The following NAALADL2 variants were observed in gnomAD, a reference collection of about 807,000 sequenced individuals.
NAALADL2 encodes N-acetylated alpha-linked acidic dipeptidase like 2, also known as inactive N-acetylated-alpha-linked acidic dipeptidase-like protein 2.
In NAALADL2, 76 loss-of-function variants were observed where a neutral mutation model predicts 87.2. The ratio of observed to expected loss-of-function variants is 0.87; its 90% CI spans 0.72 to 1.05. NAALADL2 has a LOEUF of 1.05. NAALADL2 is among the 50% of genes least tolerant of loss of function. The pLI is 0.00. For missense variants in NAALADL2, 1,089 were observed against 945.8 expected, an observed-to-expected ratio of 1.15 and a Z score of -1.99; for synonymous variants, 354 against 331.0, an observed-to-expected ratio of 1.07 and a Z score of -0.75.
chr3:174,732,877 G>GT (rs1732837641), intron 2 of NAALADL2, among the ~76,000 whole-genome samples: 2 of 151,972 alleles, frequency 1.3e-5, no homozygotes, highest in South Asian at 4.1e-4. Flanking sequence ...GTTCCATTGG[G>GT]TTTTTTCTTT....
rs750965430 is a variant in NAALADL2, at chr3:175,467,102, G to T, written c.1451G>T (p.Gly484Val). ...IRALMSKVKR[G>V]WRPDRTIVFC... ...GCCTTGATGTCAAAAGTTAAGAGAG[G>T]GTGGAGACCAGACCGAACTATTGTT... The change falls in exon 8 of 14, where the codon GGG becomes GTG. Residue 484 changes from glycine (G) to valine (V), a missense_variant. Physicochemically the swap from Gly to Val is moderately radical, Grantham distance 109. Coordinates refer to ENST00000454872, the MANE Select transcript of NAALADL2 (RefSeq NM_207015.3). 6 of 1,613,872 alleles carry T rather than the reference G, an allele frequency of 3.7e-6. No individual in the cohort carries two copies. The Admixed American group carries it at 1.0e-4, about 27-fold the overall frequency.
chr3:175,320,469 T>G (rs1759710253), intron 4 of NAALADL2, among the ~76,000 whole-genome samples: 2 of 152,180 alleles, frequency 1.3e-5, no homozygotes, highest in Admixed American at 1.3e-4. Context: ...TCAGTTGCTA[T>G]ATCTGGGAGG....
chr3:174,578,880 G>T (rs938897904), intron 2 of NAALADL2, among the ~76,000 whole-genome samples: 8 of 151,434 alleles, frequency 5.3e-5, no homozygotes, highest in Admixed American at 2.0e-4. Flanking sequence ...CCACAAACTG[G>T]GCAAAATATT....
At chr3:174,904,289 G>A (rs1323048138) in intron 1 of NAALADL2, among the ~76,000 whole-genome samples, 1 of 151,926 alleles carries the variant, frequency 6.6e-6, no homozygotes, top group South Asian at 2.1e-4. Flanking sequence ...ATGTTACATT[G>A]TGTGATATGT....
At chr3:175,338,594 CA>C (rs59687897) in intron 5 of NAALADL2, among the ~76,000 whole-genome samples, 5,531 of 41,972 alleles carry the variant, frequency 0.13, 258 homozygotes, top group African/African-American at 0.19. Context: ...ATACAAAAAC[CA>C]AAAAAAAAAA....
rs531830070 is a variant in NAALADL2 at position 175,787,615 on chromosome 3, G to A, written c.2190-15390G>A. ...CACTGACCTGCGCCCACTGTCTGGCGCTCCCTAGTGAGATGAACCCGGTAC... is the reference window on the plus strand; with the variant it reads ...CACTGACCTGCGCCCACTGTCTGGCACTCCCTAGTGAGATGAACCCGGTAC... On this transcript the variant is annotated intron_variant, in intron 13 of 13. Transcript: ENST00000454872. 2.5e-3 allele frequency among the ~76,000 whole-genome samples: 374 copies of A among 152,126 alleles called. 2 individuals carry two copies. The highest frequency in any genetic ancestry group is 7.7e-3 in the African/African-American group (321 of 41,496).
At chr3:175,077,590 A>G (rs111305449) in intron 1 of NAALADL2, among the ~76,000 whole-genome samples, 1 of 152,152 alleles carries the variant, frequency 6.6e-6, no homozygotes, top group Non-Finnish European at 1.5e-5. Flanking sequence ...TGAGCTTTTT[A>G]ATATATTTAC....
intron 5 of NAALADL2, among the ~76,000 whole-genome samples, chr3:175,357,178 A>G (rs886912684): frequency 5.3e-5 from 8 of 152,226 alleles, no homozygotes; most frequent in South Asian, 4.1e-4. Context: ...TTCCATCCAC[A>G]TGGGATCCAT....
At chr3:175,481,082 A>T (rs972813704) in intron 9 of NAALADL2, among the ~76,000 whole-genome samples, 2 of 151,968 alleles carry the variant, frequency 1.3e-5, no homozygotes, top group African/African-American at 4.8e-5. Context: ...CTTTTAAAAT[A>T]CTATAAGTAG....
At chr3:174,708,937 C>A (rs1382581730) in intron 2 of NAALADL2, among the ~76,000 whole-genome samples, 1 of 152,050 alleles carries the variant, frequency 6.6e-6, no homozygotes, top group Admixed American at 6.6e-5. Flanking sequence ...TGAATCAGAT[C>A]TTTTGGAATA....
At chr3:174,622,686 A>G (rs1328540567) in intron 2 of NAALADL2, among the ~76,000 whole-genome samples, 1 of 152,228 alleles carries the variant, frequency 6.6e-6, no homozygotes, top group African/African-American at 2.4e-5. Context: ...AAAGGAAGAG[A>G]AAATGCATTT....
At chr3:174,893,318 CCG>C (rs57056666) in intron 1 of NAALADL2, among the ~76,000 whole-genome samples, 31 of 142,750 alleles carry the variant, frequency 2.2e-4, no homozygotes, top group Admixed American at 8.7e-4. Flanking sequence ...CAACCCCCCC[CCG>C]CAAAAAGTTA....
At chr3:175,160,339 T>C (rs142118486) in intron 2 of NAALADL2, among the ~76,000 whole-genome samples, 3 of 149,556 alleles carry the variant, frequency 2.0e-5, no homozygotes, top group African/African-American at 7.3e-5. Context: ...AAAATATATA[T>C]TATATGTGTA....
At chr3:175,112,531 A>G (rs1464667601) in intron 2 of NAALADL2, 1 of 151,686 alleles carries the variant, frequency 6.6e-6, no homozygotes, top group East Asian at 1.9e-4. Flanking sequence ...GACATTAGCT[A>G]GATAGTTCCT....
chr3:175,189,340 T>C (rs920198727), intron 2 of NAALADL2, among the ~76,000 whole-genome samples: 12 of 152,160 alleles, frequency 7.9e-5, no homozygotes, highest in Non-Finnish European at 1.3e-4. Flanking sequence ...GCCCCAAATA[T>C]TGTACAAAGA....
At chr3:175,461,724 A>G (rs1862072) in intron 6 of NAALADL2, among the ~76,000 whole-genome samples, 3,992 of 152,304 alleles carry the variant, frequency 0.026, 73 homozygotes, top group East Asian at 0.085. Context: ...CTTCACCTAT[A>G]TCTGTATCTA....
intron 5 of NAALADL2, among the ~76,000 whole-genome samples, chr3:175,428,616 T>C (rs1053719813): frequency 2.6e-5 from 4 of 152,086 alleles, no homozygotes; most frequent in African/African-American, 9.7e-5. Context: ...TTTCAATCTG[T>C]CTTCTTCATT....
intron 4 of NAALADL2, among the ~76,000 whole-genome samples, chr3:175,258,363 T>C (rs547871684): frequency 2.9e-4 from 44 of 150,942 alleles, no homozygotes; most frequent in East Asian, 2.1e-3. Flanking sequence ...AATCAGGCTT[T>C]CAACCCAGGC....
chr3:174,843,073 A>G (rs925293199), intron 3 of NAALADL2, among the ~76,000 whole-genome samples: 2 of 152,182 alleles, frequency 1.3e-5, no homozygotes, highest in East Asian at 3.9e-4. Flanking sequence ...TAGCATATCT[A>G]TCGCTTCATG....
Sources: gnomAD v4.1 joint callset for allele counts (sites outside exome capture counted in the v4.1 genomes callset) on GRCh38, gnomAD v4.1.1 for gene constraint, MANE v1.5 for transcripts, NCBI Gene and HGNC (gene_info 2026-07-23, HGNC 2026-07-21) for gene names.